Variants in CDH13 observed in about 807,000 individuals in gnomAD.
The protein encoded by CDH13 is cadherin 13, also known as cadherin-13.
A neutral mutation model predicts 63.8 loss-of-function variants in CDH13; 24 were observed. That is an observed-to-expected ratio of 0.38 (90% CI 0.27 to 0.53). The LOEUF is 0.53. CDH13 is among the 20% of genes least tolerant of loss of function. The probability of loss-of-function intolerance (pLI) is 0.85; values close to 1 mark genes in which losing one functional copy is unlikely to be tolerated. For missense variants in CDH13, 1,049 were observed against 903.1 expected (o/e 1.16, Z -2.07); for synonymous variants, 503 against 355.3 (o/e 1.42, Z -4.67).
intron 8 of CDH13, among the ~76,000 whole-genome samples, chr16:83,656,177 CAT>C (rs997280675): frequency 2.6e-5 from 4 of 152,150 alleles, no homozygotes; most frequent in Admixed American, 2.0e-4. Flanking sequence ...GAAATGGAAT[CAT>C]ATAGTTTTTA....
intron 5 of CDH13, among the ~76,000 whole-genome samples, chr16:83,289,216 G>C (rs925155155): frequency 1.3e-5 from 2 of 152,204 alleles, no homozygotes; most frequent in South Asian, 4.1e-4. Flanking sequence ...GTCAGGAAAT[G>C]AACAGTACAT....
intron 5 of CDH13, among the ~76,000 whole-genome samples, chr16:83,291,078 A>G (rs1428293746): frequency 1.3e-5 from 2 of 152,088 alleles, no homozygotes; most frequent in Non-Finnish European, 2.9e-5. Flanking sequence ...CTATTTCTCT[A>G]TGAGACTACC....
chr16:82,719,367 T>C (rs1233728119), intron 1 of CDH13: 1 of 455,906 alleles, frequency 2.2e-6, no homozygotes, highest in Admixed American at 2.3e-5. Flanking sequence ...TGGAGTCAGG[T>C]GGTCCTGTGT....
At chr16:83,759,711 G>C (rs1913803752) in intron 11 of CDH13, among the ~76,000 whole-genome samples, 7 of 152,076 alleles carry the variant, frequency 4.6e-5, no homozygotes, top group Admixed American at 4.6e-4. Context: ...CAGATCACTT[G>C]AGCCAAGGAG....
chr16:83,328,719 G>A (rs921156860), intron 5 of CDH13, among the ~76,000 whole-genome samples: 2 of 152,138 alleles, frequency 1.3e-5, no homozygotes, highest in African/African-American at 4.8e-5. Context: ...TGTATAAGGA[G>A]CATTGGGCAC....
chr16:83,724,443 T>C (rs1157073296), intron 10 of CDH13, among the ~76,000 whole-genome samples: 2 of 150,612 alleles, frequency 1.3e-5, no homozygotes, highest in South Asian at 2.1e-4. Context: ...CATGGGTGGA[T>C]GATGAATGCA....
intron 7 of CDH13, among the ~76,000 whole-genome samples, chr16:83,536,749 CAA>C (rs1407283958): frequency 6.6e-6 from 1 of 152,132 alleles, no homozygotes; most frequent in Non-Finnish European, 1.5e-5. Context: ...TTGGTTCAAA[CAA>C]GAGACAGCAA....
At chr16:83,486,445 C>G (rs1447908742) in intron 6 of CDH13, 32 bp from the exon 7 acceptor site, 3 of 1,592,994 alleles carry the variant, frequency 1.9e-6, no homozygotes, top group Non-Finnish European at 2.6e-6. Flanking sequence ...CCATTGATAA[C>G]CATTCCGTGC....
chr16:82,755,457 T>G lies in CDH13; in HGVS notation c.46-102905T>G, dbSNP rs983054988. ...GCTGAAGTCTCTGAGGAGGTAATCT[T>G]GTTCAAATAATAGCTTTTCTTGTAA... On this transcript the variant is annotated intron_variant, in intron 1 of 13. Coordinates refer to ENST00000567109, the MANE Select transcript of CDH13 (RefSeq NM_001257.5). 3.9e-5 allele frequency among the ~76,000 whole-genome samples: 6 copies of G among 152,370 alleles called. No homozygotes were observed. The South Asian group carries it at 8.3e-4, about 21-fold the overall frequency.
intron 4 of CDH13, among the ~76,000 whole-genome samples, chr16:83,191,504 T>TAC (rs1214690644): frequency 0.013 from 1,211 of 93,724 alleles, 17 homozygotes; most frequent in African/African-American, 0.015. Context: ...TATATATATA[T>TAC]ACACACACAC....
At chr16:83,764,340 G>A (rs1914213977) in intron 11 of CDH13, among the ~76,000 whole-genome samples, 1 of 152,186 alleles carries the variant, frequency 6.6e-6, no homozygotes, top group African/African-American at 2.4e-5. Context: ...CTTGTCTCTG[G>A]CTGAATGGGC....
At chr16:82,683,982 C>G (rs573722498) in intron 1 of CDH13, among the ~76,000 whole-genome samples, 3 of 152,340 alleles carry the variant, frequency 2.0e-5, no homozygotes, top group African/African-American at 7.2e-5. Context: ...TTTATTAAAT[C>G]TGCTCTAAGC....
At chr16:83,655,519 C>T (rs986435899) in intron 8 of CDH13, among the ~76,000 whole-genome samples, 5 of 152,164 alleles carry the variant, frequency 3.3e-5, no homozygotes, top group African/African-American at 1.2e-4. Context: ...CAGGTAGAGT[C>T]CTGCAGCTTG....
At chr16:83,083,212 T>C (rs533912051) in intron 3 of CDH13, among the ~76,000 whole-genome samples, 1 of 152,252 alleles carries the variant, frequency 6.6e-6, no homozygotes, top group African/African-American at 2.4e-5. Flanking sequence ...TACAGCATCT[T>C]ACTTGATTCT....
At chr16:83,447,387 C>T (rs149773543) in intron 6 of CDH13, among the ~76,000 whole-genome samples, 2,184 of 151,946 alleles carry the variant, frequency 0.014, 45 homozygotes, top group African/African-American at 0.049. Flanking sequence ...TGCACTCCAG[C>T]CTGGGCTACA....
At chr16:82,979,002 C>T (rs866683276) in intron 2 of CDH13, among the ~76,000 whole-genome samples, 1 of 152,206 alleles carries the variant, frequency 6.6e-6, no homozygotes, top group Non-Finnish European at 1.5e-5. Context: ...ATCATGGGAG[C>T]CCACCTCTAG....
At chr16:83,164,487 G>A (rs184390490) in intron 4 of CDH13, among the ~76,000 whole-genome samples, 1 of 151,910 alleles carries the variant, frequency 6.6e-6, no homozygotes, top group East Asian at 1.9e-4. Flanking sequence ...AAATGTCTAG[G>A]GGCCCCACAG....
chr16:83,147,619 G>A (rs1044047214), intron 4 of CDH13, among the ~76,000 whole-genome samples: 6 of 151,894 alleles, frequency 4.0e-5, no homozygotes, highest in African/African-American at 1.5e-4. Flanking sequence ...CTTTTTCTTC[G>A]GGTCCTTTCC....
intron 6 of CDH13, among the ~76,000 whole-genome samples, chr16:83,435,392 A>G (rs1044260342): frequency 6.6e-6 from 1 of 152,020 alleles, no homozygotes; most frequent in Non-Finnish European, 1.5e-5. Flanking sequence ...TCTTTTTTCC[A>G]AACACTGCAA....
Sources: gnomAD v4.1 joint callset for allele counts (sites outside exome capture counted in the v4.1 genomes callset) on GRCh38, gnomAD v4.1.1 for gene constraint, MANE v1.5 for transcripts, NCBI Gene and HGNC (gene_info 2026-07-23, HGNC 2026-07-21) for gene names.